Variants in SUMF1 observed in about 807,000 individuals in gnomAD.
The protein encoded by SUMF1 is formylglycine-generating enzyme.
SUMF1 carries 48 observed loss-of-function variants against 47.6 expected under a neutral mutation model. The observed-to-expected ratio is 1.01, with a 90% CI of 0.80 to 1.28. The LOEUF is 1.28. SUMF1 is among the 50% of genes most tolerant of loss of function. The pLI is 0.00. For missense variants in SUMF1, 571 were observed against 485.4 expected (o/e 1.18, Z -1.66); for synonymous variants, 230 against 192.1 (o/e 1.20, Z -1.63).
intron 8 of SUMF1, among the ~76,000 whole-genome samples, chr3:4,069,981 C>A (rs913660397): frequency 6.6e-6 from 1 of 152,130 alleles, no homozygotes; most frequent in Non-Finnish European, 1.5e-5. Flanking sequence ...AAGAAACATA[C>A]AACCTGCTCT....
intron 8 of SUMF1, among the ~76,000 whole-genome samples, chr3:4,150,553 A>AG (rs1229780147): frequency 6.6e-6 from 1 of 150,504 alleles, no homozygotes; most frequent in East Asian, 2.0e-4. Context: ...CCGTCTCAAA[A>AG]AAAAAAAAAT....
chr3:4,105,778 T>C (rs1392222735), intron 8 of SUMF1, among the ~76,000 whole-genome samples: 1 of 152,130 alleles, frequency 6.6e-6, no homozygotes, highest in African/African-American at 2.4e-5. Context: ...GAGAAATCTA[T>C]ATCATAAATT....
At chr3:4,239,862 A>T (rs1696498288) in intron 8 of SUMF1, among the ~76,000 whole-genome samples, 1 of 152,086 alleles carries the variant, frequency 6.6e-6, no homozygotes, top group Admixed American at 6.6e-5. Flanking sequence ...TTTCAAAAGG[A>T]ATGCTTCCAG....
chr3:4,388,113 T>C (rs1038010023), intron 7 of SUMF1, among the ~76,000 whole-genome samples: 1 of 152,090 alleles, frequency 6.6e-6, no homozygotes, highest in Non-Finnish European at 1.5e-5. Flanking sequence ...AGTTCTTCTA[T>C]ATCCTTGCTG....
At position 4,403,000 on chromosome 3, in the gene SUMF1, G is replaced by A. The variant is rs114652457; in HGVS notation, c.954+7865C>T. ...ACTGTTCTTCATTACTACTGCAGCT[G>A]CTACTCACAGTAACAGTAGGCGTGC... On this transcript the variant is annotated intron_variant, in intron 7 of 8. Coordinates refer to ENST00000272902, the MANE Select transcript of SUMF1 (RefSeq NM_182760.4). 3.0e-3 allele frequency among the ~76,000 whole-genome samples: 453 copies of A among 152,280 alleles called. 5 individuals are homozygous for A. Among genetic ancestry groups the A allele is most frequent in the African/African-American group, 0.011 (441 of 41,554 alleles).
chr3:4,441,854 C>G lies in SUMF1; in HGVS notation c.519+7412G>C, dbSNP rs1000846241. ...TGAGATGGCAACAGCATCAGCAAAG[C>G]TTTTGAATCTCGCCTCTCTACGTAT... On this transcript the variant is annotated intron_variant, in intron 3 of 8. Coordinates refer to ENST00000272902, the MANE Select transcript of SUMF1 (RefSeq NM_182760.4). Among the ~76,000 whole-genome samples, 4 of 152,286 alleles carry G rather than the reference C, an allele frequency of 2.6e-5. No homozygotes were observed. The South Asian group carries it at 8.3e-4, about 32-fold the overall frequency.
At chr3:4,281,984 T>C (rs908792902) in intron 8 of SUMF1, among the ~76,000 whole-genome samples, 2 of 152,206 alleles carry the variant, frequency 1.3e-5, no homozygotes, top group African/African-American at 4.8e-5. Context: ...GAAGATTGTA[T>C]AGGTATTTAG....
intron 8 of SUMF1, among the ~76,000 whole-genome samples, chr3:4,370,174 A>G (rs527993076): frequency 9.2e-5 from 14 of 152,334 alleles, no homozygotes; most frequent in African/African-American, 3.4e-4. Context: ...TGAGAAGATC[A>G]CATGTGGGCT....
At chr3:4,460,784 G>A (rs1039995441) in intron 1 of SUMF1, among the ~76,000 whole-genome samples, 3 of 151,660 alleles carry the variant, frequency 2.0e-5, no homozygotes, top group Admixed American at 6.6e-5. Flanking sequence ...CAGCCTCTAC[G>A]CAGCTGGCAC....
At chr3:4,039,408 T>TGG (rs2125016319) in intron 9 of SUMF1, among the ~76,000 whole-genome samples, 1 of 72,908 alleles carries the variant, frequency 1.4e-5, no homozygotes, top group East Asian at 4.4e-4. Flanking sequence ...GAGTGTGATA[T>TGG]TCCCCTTCCT....
intron 8 of SUMF1, among the ~76,000 whole-genome samples, chr3:4,181,756 G>C (rs1169475701): frequency 1.3e-5 from 2 of 152,050 alleles, no homozygotes; most frequent in Non-Finnish European, 2.9e-5. Context: ...GCCTACCCTT[G>C]GACCTGGCTC....
chr3:4,170,102 A>G (rs899414657), intron 8 of SUMF1, among the ~76,000 whole-genome samples: 4 of 152,186 alleles, frequency 2.6e-5, no homozygotes, highest in Non-Finnish European at 4.4e-5. Context: ...GTAAAGTTCA[A>G]TGGAACACAA....
chr3:4,341,294 G>A (rs920807372), intron 8 of SUMF1, among the ~76,000 whole-genome samples: 6 of 152,072 alleles, frequency 3.9e-5, no homozygotes, highest in Admixed American at 6.6e-5. Flanking sequence ...ATCAAACAGT[G>A]TAGACATCAT....
intron 8 of SUMF1, among the ~76,000 whole-genome samples, chr3:4,156,080 A>C (rs1694446091): frequency 6.6e-6 from 1 of 151,574 alleles, no homozygotes; most frequent in Non-Finnish European, 1.5e-5. Flanking sequence ...TATGAAATTT[A>C]AAGTATAAAA....
At chr3:4,149,726 T>C (rs909925480) in intron 8 of SUMF1, among the ~76,000 whole-genome samples, 1 of 152,142 alleles carries the variant, frequency 6.6e-6, no homozygotes, top group Non-Finnish European at 1.5e-5. Context: ...TATTGCAATT[T>C]GGGGTGAGGA....
chr3:4,212,173 A>G (rs1695813841), intron 8 of SUMF1, among the ~76,000 whole-genome samples: 1 of 152,154 alleles, frequency 6.6e-6, no homozygotes, highest in Non-Finnish European at 1.5e-5. Context: ...CAGCTCATAC[A>G]GGAGAGCTCT....
intron 8 of SUMF1, among the ~76,000 whole-genome samples, chr3:4,347,160 G>A (rs189919991): frequency 3.9e-5 from 6 of 152,268 alleles, no homozygotes; most frequent in African/African-American, 1.4e-4. Flanking sequence ...TGAAAAGAAG[G>A]AACTCTTCCC....
intron 8 of SUMF1, among the ~76,000 whole-genome samples, chr3:4,281,850 C>T (rs1697536892): frequency 6.6e-6 from 1 of 152,036 alleles, no homozygotes; most frequent in South Asian, 2.1e-4. Context: ...CTCCTTAACA[C>T]ATATTTTTAT....
chr3:4,335,094 A>C (rs17040374), intron 8 of SUMF1, among the ~76,000 whole-genome samples: 1 of 152,122 alleles, frequency 6.6e-6, no homozygotes. Context: ...TTCAGTTGAC[A>C]TAAGAGGGGA....
Sources: gnomAD v4.1 joint callset for allele counts (sites outside exome capture counted in the v4.1 genomes callset) on GRCh38, gnomAD v4.1.1 for gene constraint, MANE v1.5 for transcripts, NCBI Gene and HGNC (gene_info 2026-07-23, HGNC 2026-07-21) for gene names.